Variants in MYO5B observed in about 807,000 individuals in gnomAD.
MYO5B encodes myosin VB.
MYO5B carries 143 observed loss-of-function variants against 229.3 expected under a neutral mutation model. The ratio of observed to expected loss-of-function variants is 0.62; its 90% CI spans 0.54 to 0.72. The LOEUF (loss-of-function observed/expected upper bound fraction) is 0.72. MYO5B is among the 30% of genes least tolerant of loss of function. The pLI, the probability that MYO5B is intolerant of heterozygous loss-of-function variation, is 0.00. For synonymous variants in MYO5B, 918 were observed against 885.2 expected (o/e 1.04, Z -0.66); for missense variants, 2,321 against 2,331.0 (o/e 1.00, Z 0.09).
At chr18:49,899,350 T>C (rs2024815578) in intron 21 of MYO5B, among the ~76,000 whole-genome samples, 1 of 152,200 alleles carries the variant, frequency 6.6e-6, no homozygotes, top group Non-Finnish European at 1.5e-5. Context: ...ATTATGTCAA[T>C]GCTTCCTCTT....
intron 1 of MYO5B, among the ~76,000 whole-genome samples, chr18:50,148,840 T>G (rs545332284): frequency 6.6e-6 from 1 of 152,192 alleles, no homozygotes; most frequent in East Asian, 1.9e-4. Context: ...CCAGGGCAAT[T>G]AGGCAAGAGA....
chr18:50,059,518 A>G (rs1209757633), intron 1 of MYO5B, among the ~76,000 whole-genome samples: 1 of 152,254 alleles, frequency 6.6e-6, no homozygotes, highest in East Asian at 1.9e-4. Context: ...TTGTATATGC[A>G]GATCTGATCA....
intron 10 of MYO5B, among the ~76,000 whole-genome samples, chr18:49,963,391 CTTAT>C (rs1435030889): frequency 1.4e-5 from 2 of 147,318 alleles, no homozygotes; most frequent in African/African-American, 2.5e-5. Context: ...TAACATTTTA[CTTAT>C]TTAATTTAAT....
rs763012233 is a variant in MYO5B, at chr18:49,837,493, T to C, written c.5138+24A>G. The stretch of plus-strand genomic sequence containing the variant: ...CAGTGAGGGCCCACTCTATCTGTGT[T>C]GTTGGGGGGTGCTCCTCCCTTACCT... On this transcript the variant is annotated intron_variant, in intron 37 of 39. Coordinates refer to ENST00000285039, the MANE Select transcript of MYO5B (RefSeq NM_001080467.3). 1.9e-6 allele frequency: 3 copies of C among 1,613,304 alleles called. No homozygotes were observed. In the African/African-American group the frequency reaches 4.0e-5, roughly 22 times the overall value.
intron 1 of MYO5B, among the ~76,000 whole-genome samples, chr18:50,057,843 A>G (rs1452595381): frequency 1.3e-5 from 2 of 152,102 alleles, no homozygotes; most frequent in African/African-American, 2.4e-5. Flanking sequence ...ATAGAATTTC[A>G]GCTTCCCCCA....
intron 1 of MYO5B, among the ~76,000 whole-genome samples, chr18:50,104,181 AG>A (rs1177194716): frequency 6.7e-6 from 1 of 148,808 alleles, no homozygotes; most frequent in East Asian, 1.9e-4. Flanking sequence ...AAGAAAAAAA[AG>A]AAAATTATAC....
chr18:50,151,738 CAG>C (rs1416068185), intron 1 of MYO5B, among the ~76,000 whole-genome samples: 1 of 151,988 alleles, frequency 6.6e-6, no homozygotes, highest in East Asian at 1.9e-4. Context: ...TGTATTGTAT[CAG>C]AGAATTCTGT....
chr18:49,827,750 C>T (rs1568599247), intron 39 of MYO5B, among the ~76,000 whole-genome samples: 2 of 151,766 alleles, frequency 1.3e-5, no homozygotes, highest in Non-Finnish European at 2.9e-5. Context: ...AAGGGGGCAA[C>T]AAAATATTTG....
intron 18 of MYO5B, among the ~76,000 whole-genome samples, chr18:49,906,980 T>C (rs1175770497): frequency 6.6e-6 from 1 of 152,080 alleles, no homozygotes; most frequent in Non-Finnish European, 1.5e-5. Context: ...TCAAAAAGGA[T>C]GCTCAAGGAA....
chr18:49,967,837 T>C (rs1187383520), intron 10 of MYO5B, among the ~76,000 whole-genome samples: 1 of 150,944 alleles, frequency 6.6e-6, no homozygotes, highest in Non-Finnish European at 1.5e-5. Flanking sequence ...TGCTTCTCTG[T>C]GCCTAGATGC....
chr18:50,136,278 G>A (rs2032333076), intron 1 of MYO5B, among the ~76,000 whole-genome samples: 1 of 151,698 alleles, frequency 6.6e-6, no homozygotes, highest in Non-Finnish European at 1.5e-5. Flanking sequence ...CCACGTTAGG[G>A]TCTAAGATAC....
intron 6 of MYO5B, among the ~76,000 whole-genome samples, 160 bp downstream of exon 6, chr18:49,992,128 T>C (rs899735840): frequency 6.6e-6 from 1 of 152,224 alleles, no homozygotes; most frequent in Non-Finnish European, 1.5e-5. Flanking sequence ...ACCATCTGAA[T>C]GAACACTTAC....
intron 1 of MYO5B, among the ~76,000 whole-genome samples, chr18:50,149,725 A>C (rs1326578918): frequency 1.3e-5 from 2 of 152,166 alleles, no homozygotes; most frequent in Non-Finnish European, 2.9e-5. Flanking sequence ...CTAAAACCAT[A>C]AAAACCCTAG....
In MYO5B at chr18:49,880,358, C is replaced by T; in HGVS notation, c.3130+13G>A. On this transcript the variant is annotated intron_variant, in intron 23 of 39. Coordinates refer to ENST00000285039, the MANE Select transcript of MYO5B (RefSeq NM_001080467.3). ...TAAAACCCCAAATAAAACTCAAGTG[C>T]TTTGGTACTTACCTTTAGACTGGCA... The T allele has an allele frequency of 1.2e-6, 2 of 1,609,350 alleles. No individual in the cohort carries two copies. The highest frequency in any genetic ancestry group is 1.7e-6 in the Non-Finnish European group (2 of 1,175,644).
chr18:49,955,274 G>C (rs990466689), intron 12 of MYO5B, among the ~76,000 whole-genome samples: 1 of 152,196 alleles, frequency 6.6e-6, no homozygotes, highest in African/African-American at 2.4e-5. Context: ...GGCTTTAAAA[G>C]TAAAAAGCAT....
intron 1 of MYO5B, among the ~76,000 whole-genome samples, chr18:50,061,070 C>A (rs1193354902): frequency 6.6e-6 from 1 of 152,086 alleles, no homozygotes; most frequent in East Asian, 1.9e-4. Flanking sequence ...GAACTCTTTC[C>A]CAAAGAGCCC....
At chr18:50,001,578 A>C (rs1432059095) in intron 4 of MYO5B, among the ~76,000 whole-genome samples, 167 bp from the exon 5 acceptor site, 3 of 152,220 alleles carry the variant, frequency 2.0e-5, no homozygotes, top group Non-Finnish European at 4.4e-5. Flanking sequence ...CGACACCTGC[A>C]AACATCCTGA....
chr18:50,154,636 T>C (rs1297066075), intron 1 of MYO5B, among the ~76,000 whole-genome samples: 1 of 152,236 alleles, frequency 6.6e-6, no homozygotes, highest in African/African-American at 2.4e-5. Flanking sequence ...TAGTGCAATA[T>C]GCTTGACAAG....
intron 21 of MYO5B, among the ~76,000 whole-genome samples, chr18:49,895,678 G>T (rs1195307679): frequency 2.6e-5 from 4 of 152,138 alleles, no homozygotes; most frequent in African/African-American, 9.7e-5. Context: ...CCTCCATGGG[G>T]TCTTGGAATC....
Sources: allele counts gnomAD v4.1 joint callset (sites outside exome capture counted in the v4.1 genomes callset), GRCh38; gene constraint gnomAD v4.1.1; transcripts MANE v1.5; gene names NCBI Gene and HGNC (gene_info 2026-07-23, HGNC 2026-07-21).